Variants in GPR176 observed in about 807,000 individuals in gnomAD.
GPR176 encodes the protein G protein-coupled receptor 176, also known as G-protein coupled receptor 176.
GPR176 carries 26 observed loss-of-function variants against 35.4 expected under a neutral mutation model. The observed-to-expected ratio is 0.74, with a 90% CI of 0.54 to 1.02. The LOEUF is 1.02. Ranked by LOEUF, GPR176 falls within the 50% of genes least tolerant of loss-of-function variation. The pLI, the probability that GPR176 is intolerant of heterozygous loss-of-function variation, is 0.00. For missense variants in GPR176, 597 were observed against 665.3 expected, an observed-to-expected ratio of 0.90 and a Z score of 1.13; for synonymous variants, 278 against 271.3, an observed-to-expected ratio of 1.02 and a Z score of -0.24.
chr15:39,837,949 T>G (rs1901504571), intron 1 of GPR176, among the ~76,000 whole-genome samples: 1 of 146,402 alleles, frequency 6.8e-6, no homozygotes, highest in African/African-American at 2.5e-5. Context: ...GGCCAGTAGT[T>G]CAAGACCAGC....
Position 39,850,860 on chromosome 15 carries a change from C to CA in GPR176, c.173-43603dup, listed in dbSNP as rs1004461206. Among the ~76,000 whole-genome samples the CA allele has an allele frequency of 7.3e-5, 11 of 150,720 alleles. No individual in the cohort carries two copies. In the East Asian group the frequency reaches 1.8e-3, roughly 24 times the overall value. The stretch of plus-strand genomic sequence containing the variant: ...TGGGGAGAATGAATGATTAAAAAAA[C>CA]AAAAAAACAAAAAACAATAGTGGCA... On this transcript the variant is annotated intron_variant, in intron 1 of 2. Coordinates refer to ENST00000561100, the MANE Select transcript of GPR176 (RefSeq NM_007223.3).
chr15:39,808,146 C>T lies in GPR176; in HGVS notation c.173-888G>A, dbSNP rs190339353. ...ATAGCCTCTCCCTACGTTAGACTAC[C>T]CATTCTGGTAATTTTCCATCAAAAT... is the stretch of plus-strand genomic sequence containing the variant. On this transcript the variant is annotated intron_variant, in intron 1 of 2. Transcript: ENST00000561100. 2.9e-3 allele frequency among the ~76,000 whole-genome samples: 449 copies of T among 152,304 alleles called. 1 individual carries two copies. Among genetic ancestry groups the T allele is most frequent in the Non-Finnish European group, 4.7e-3 (321 of 68,024 alleles).
At chr15:39,817,882 A>C (rs1900023693) in intron 1 of GPR176, among the ~76,000 whole-genome samples, 1 of 152,242 alleles carries the variant, frequency 6.6e-6, no homozygotes, top group African/African-American at 2.4e-5. Flanking sequence ...CTTCCAAAGC[A>C]AATAGTTCTA....
chr15:39,810,796 T>C (rs1202404510), intron 1 of GPR176, among the ~76,000 whole-genome samples: 1 of 152,102 alleles, frequency 6.6e-6, no homozygotes, highest in Non-Finnish European at 1.5e-5. Context: ...TCGACAAGGG[T>C]CAGAAAGCCT....
At chr15:39,846,312 T>A (rs747049799) in intron 1 of GPR176, among the ~76,000 whole-genome samples, 4 of 152,228 alleles carry the variant, frequency 2.6e-5, no homozygotes, top group African/African-American at 9.6e-5. Context: ...TTCCTGGGCA[T>A]AGGCCAAGCT....
At chr15:39,802,391 A>T (rs985945215) in intron 2 of GPR176, 137 bp from the exon 3 acceptor site, 3 of 680,320 alleles carry the variant, frequency 4.4e-6, no homozygotes, top group Non-Finnish European at 7.1e-6. Context: ...CACTGGGGGA[A>T]TCCAGGAAGC....
intron 1 of GPR176, among the ~76,000 whole-genome samples, chr15:39,863,283 G>A (rs188588030): frequency 8.6e-5 from 13 of 151,444 alleles, no homozygotes; most frequent in African/African-American, 1.7e-4. Flanking sequence ...GGGTTTCACC[G>A]TGTTAGCCAG....
intron 1 of GPR176, among the ~76,000 whole-genome samples, chr15:39,847,089 A>G (rs1051453344): frequency 6.6e-6 from 1 of 152,178 alleles, no homozygotes; most frequent in Non-Finnish European, 1.5e-5. Flanking sequence ...GTGATAAGTT[A>G]TATGTGTTTA....
chr15:39,881,584 T>C (rs2032477047), intron 1 of GPR176, among the ~76,000 whole-genome samples: 1 of 152,230 alleles, frequency 6.6e-6, no homozygotes, highest in Admixed American at 6.5e-5. Flanking sequence ...ACCACAATCT[T>C]AAAAGCAGTA....
Position 39,802,086 on chromosome 15 carries a change from G to C in GPR176, c.594C>G (p.Asn198Lys). The change falls in exon 3 of 3, where the codon AAC becomes AAG. Residue 198 changes from asparagine (N) to lysine (K), a missense_variant. Asn to Lys is a moderately conservative substitution (Grantham distance 94). Coordinates refer to ENST00000561100, the MANE Select transcript of GPR176 (RefSeq NM_007223.3). The part of the protein sequence containing the change: ...ATSTCTEVWS[N>K]SLGHLVYVLV... ...GAACGTACACCAGGTGGCCCAAGGA[G>C]TTGCTCCAGACTTCCGTGCAGGTGG... 3.1e-6 allele frequency: 5 copies of C among 1,614,188 alleles called. No individual in the cohort carries two copies. Among genetic ancestry groups the C allele is most frequent in the Non-Finnish European group, 4.2e-6 (5 of 1,180,042 alleles).
chr15:39,811,712 C>A (rs180957013), intron 1 of GPR176, among the ~76,000 whole-genome samples: 2 of 152,020 alleles, frequency 1.3e-5, no homozygotes, highest in Admixed American at 6.5e-5. Flanking sequence ...GTCAGGAGAT[C>A]AAGACCATCC....
At chr15:39,818,314 C>T (rs1009961440) in intron 1 of GPR176, among the ~76,000 whole-genome samples, 4 of 152,104 alleles carry the variant, frequency 2.6e-5, no homozygotes, top group African/African-American at 7.2e-5. Flanking sequence ...TGAAATGATG[C>T]AGAAAGTTCA....
Position 39,894,959 on chromosome 15 carries a change from G to A in GPR176, c.172+24896C>T, listed in dbSNP as rs1056891574. On this transcript the variant is annotated intron_variant, in intron 1 of 2. Coordinates refer to ENST00000561100, the MANE Select transcript of GPR176 (RefSeq NM_007223.3). ...GGGCACCATTGAGCACTGAGTGAAC[G>A]AGACTCCGTCTGCAATCCCCGCACC... is the stretch of plus-strand genomic sequence containing the variant. Among the ~76,000 whole-genome samples, 8 of 152,246 alleles carry A rather than the reference G, an allele frequency of 5.3e-5. No homozygotes were observed. The East Asian group carries it at 7.7e-4, about 15-fold the overall frequency.
chr15:39,828,346 T>C (rs921278448), intron 1 of GPR176, among the ~76,000 whole-genome samples: 1 of 152,078 alleles, frequency 6.6e-6, no homozygotes. Flanking sequence ...CACTAACATG[T>C]TGTCTAGGAA....
At chr15:39,863,886 T>A (rs1442686041) in intron 1 of GPR176, among the ~76,000 whole-genome samples, 2 of 152,178 alleles carry the variant, frequency 1.3e-5, no homozygotes, top group East Asian at 1.9e-4. Flanking sequence ...AATGACACAT[T>A]TATCAAAATG....
rs148289384 is a variant in GPR176, at chr15:39,799,324, T to C, written c.*1808A>G. 16 of 152,356 alleles carry C rather than the reference T, an allele frequency of 1.1e-4. No homozygotes were observed. Among genetic ancestry groups the C allele is most frequent in the Non-Finnish European group, 1.8e-4 (12 of 68,034 alleles). 9.4% of individuals were successfully genotyped at this position (152,356 alleles called of 1,614,324 possible). On this transcript the variant is annotated 3_prime_UTR_variant, in exon 3 of 3. Coordinates refer to ENST00000561100, the MANE Select transcript of GPR176 (RefSeq NM_007223.3). ...AAGACAAGCTTGAAGGGCCACAGCA[T>C]TGACTATCAGGGCAAGGAGCTATAG...
intron 1 of GPR176, among the ~76,000 whole-genome samples, chr15:39,832,504 G>A (rs868604517): frequency 6.6e-6 from 1 of 152,034 alleles, no homozygotes. Context: ...TGTTCCTTCC[G>A]GGGGTTCTAG....
At chr15:39,916,846 G>T (rs2033738549) in intron 1 of GPR176, among the ~76,000 whole-genome samples, 1 of 152,114 alleles carries the variant, frequency 6.6e-6, no homozygotes, top group Non-Finnish European at 1.5e-5. Context: ...TATGAAATGT[G>T]CTTCCCAAGT....
At chr15:39,811,850 A>G (rs1899584087) in intron 1 of GPR176, among the ~76,000 whole-genome samples, 1 of 151,314 alleles carries the variant, frequency 6.6e-6, no homozygotes, top group Non-Finnish European at 1.5e-5. Context: ...TGGGAGGCGG[A>G]GCTTGCAGTG....
Sources: allele counts gnomAD v4.1 joint callset (sites outside exome capture counted in the v4.1 genomes callset), GRCh38; gene constraint gnomAD v4.1.1; transcripts MANE v1.5; gene names NCBI Gene and HGNC (gene_info 2026-07-23, HGNC 2026-07-21).